The following LDHC variants were observed in gnomAD, a reference collection of about 807,000 sequenced individuals.
LDHC encodes the protein lactate dehydrogenase C.
In LDHC, 20 loss-of-function variants were observed where a neutral mutation model predicts 30.2. The observed-to-expected ratio is 0.66, with a 90% CI of 0.47 to 0.96. The LOEUF is 0.96. LDHC is among the 40% of genes least tolerant of loss of function. The pLI is 0.00. For synonymous variants in LDHC, 139 were observed against 132.7 expected, an observed-to-expected ratio of 1.05 and a Z score of -0.32; for missense variants, 362 against 394.9, an observed-to-expected ratio of 0.92 and a Z score of 0.71.
chr11:18,437,644 C>T (rs1425683173), intron 5 of LDHC, among the ~76,000 whole-genome samples: 8 of 151,234 alleles, frequency 5.3e-5, no homozygotes, highest in Non-Finnish European at 1.5e-5. Context: ...CCCAGTGACT[C>T]GGGAGGCTGA....
At chr11:18,447,598 T>G (rs955453503) in intron 7 of LDHC, among the ~76,000 whole-genome samples, 1 of 152,106 alleles carries the variant, frequency 6.6e-6, no homozygotes, top group East Asian at 1.9e-4. Flanking sequence ...TGGCAGAAAT[T>G]GAGATAGACA....
chr11:18,430,476 C>T lies in LDHC; in HGVS notation c.418+566C>T, dbSNP rs138129609. Among the ~76,000 whole-genome samples, 631 of 152,222 alleles carry T rather than the reference C, an allele frequency of 4.1e-3. 2 individuals are homozygous for T. The highest frequency in any genetic ancestry group is 0.017 in the Middle Eastern group (5 of 294). ...CCTCAGGCTCAATTGATCCTCCCAC[C>T]TCAGGCTCCCCAGTAGCTGGGACCA... On this transcript the variant is annotated intron_variant, in intron 4 of 7. Coordinates refer to ENST00000541669, the MANE Select transcript of LDHC (RefSeq NM_017448.5).
Position 18,452,061 on chromosome 11 carries a change from A to G in LDHC, c.*934A>G, listed in dbSNP as rs2133852097. On this transcript the variant is annotated 3_prime_UTR_variant, in exon 8 of 8. Coordinates refer to ENST00000541669, the MANE Select transcript of LDHC (RefSeq NM_017448.5). The stretch of plus-strand genomic sequence containing the variant: ...AGTATTATACTAGTCATATAAACTC[A>G]AATAGTTGATTTGGTGTCTCAATTG... 6.6e-6 allele frequency: 1 copy of G among 152,334 alleles called. No individual in the cohort carries two copies. The highest frequency in any genetic ancestry group is 3.4e-3 in the Middle Eastern group (1 of 294). 9.4% of individuals were successfully genotyped at this position (152,334 alleles called of 1,614,324 possible).
At chr11:18,432,724 T>C (rs1198451028) in intron 4 of LDHC, among the ~76,000 whole-genome samples, 3 of 152,248 alleles carry the variant, frequency 2.0e-5, no homozygotes, top group Non-Finnish European at 2.9e-5. Flanking sequence ...TGTCCCTCTT[T>C]GTCTCTTTTA....
At chr11:18,441,132 A>G (rs1848457447) in intron 6 of LDHC, among the ~76,000 whole-genome samples, 1 of 151,814 alleles carries the variant, frequency 6.6e-6, no homozygotes. Context: ...CTCTTAAAAA[A>G]AAAACAAAAA....
At chr11:18,424,902 G>A (rs1352788345) in intron 3 of LDHC, among the ~76,000 whole-genome samples, 1 of 152,154 alleles carries the variant, frequency 6.6e-6, no homozygotes, top group Non-Finnish European at 1.5e-5. Context: ...CAGCTACTCG[G>A]GAGGCTGAGG....
intron 6 of LDHC, among the ~76,000 whole-genome samples, chr11:18,441,267 C>T (rs1848459860): frequency 6.6e-6 from 1 of 151,924 alleles, no homozygotes; most frequent in African/African-American, 2.4e-5. Flanking sequence ...GAAAGGATAC[C>T]AGGAAGAAAA....
intron 6 of LDHC, 93 bp from the exon 7 acceptor site, chr11:18,446,117 G>A: frequency 9.7e-7 from 1 of 1,033,870 alleles, no homozygotes; most frequent in Non-Finnish European, 1.5e-6. Flanking sequence ...GCATTGACAT[G>A]TAGATAACTT....
At chr11:18,443,975 GTGC>G (rs1278604054) in intron 6 of LDHC, among the ~76,000 whole-genome samples, 2 of 152,048 alleles carry the variant, frequency 1.3e-5, no homozygotes, top group African/African-American at 4.8e-5. Flanking sequence ...AATCCTCAGG[GTGC>G]TGCTAATATT....
intron 3 of LDHC, among the ~76,000 whole-genome samples, chr11:18,424,060 C>A (rs1415349993): frequency 6.6e-6 from 1 of 152,088 alleles, no homozygotes; most frequent in Admixed American, 6.6e-5. Context: ...CTCTCACACA[C>A]AGCATATAGG....
Position 18,450,948 on chromosome 11 carries a change from T to C in LDHC, c.835-15T>C. 6.4e-7 allele frequency: 1 copy of C among 1,562,076 alleles called. No homozygotes were observed. The highest frequency in any genetic ancestry group is 2.3e-5 in the East Asian group (1 of 43,214). On this transcript the variant is annotated splice_polypyrimidine_tract_variant and intron_variant, in intron 7 of 7. Coordinates refer to ENST00000541669, the MANE Select transcript of LDHC (RefSeq NM_017448.5). ...ATATCAGGTTATTTGAACAATATCT[T>C]ATCTTGCCTTTCAGGGATTATATGG... is the stretch of plus-strand genomic sequence containing the variant.
chr11:18,436,481 G>GTTTTTTTTTTTTTTTTTTTTTTTTTTT (rs35976847), intron 5 of LDHC, among the ~76,000 whole-genome samples: 1 of 108,186 alleles, frequency 9.2e-6, no homozygotes, highest in African/African-American at 3.6e-5. Flanking sequence ...ATAATACAAA[G>GTTTTTTTTTTTTTTTTTTTTTTTTTTT]TTTTTTTTTT....
At chr11:18,423,705 T>C (rs1848107837) in intron 3 of LDHC, among the ~76,000 whole-genome samples, 1 of 151,976 alleles carries the variant, frequency 6.6e-6, no homozygotes, top group Non-Finnish European at 1.5e-5. Flanking sequence ...CAATAAAGAA[T>C]ACAAAGTTAA....
rs187969196 is a variant in LDHC at position 18,414,598 on chromosome 11, T to G, written c.127-586T>G. Among the ~76,000 whole-genome samples, 4 of 152,126 alleles carry G rather than the reference T, an allele frequency of 2.6e-5. No individual in the cohort carries two copies. The East Asian group carries it at 7.7e-4, about 29-fold the overall frequency. ...ATCCCAGGACTTTGCGAGGCTGAGG[T>G]GGGTAGATCACTTGAGGTTAGGAGT... is the stretch of plus-strand genomic sequence containing the variant. On this transcript the variant is annotated intron_variant, in intron 2 of 7. Coordinates refer to ENST00000541669, the MANE Select transcript of LDHC (RefSeq NM_017448.5).
chr11:18,439,298 C>T (rs1029710381), intron 6 of LDHC, among the ~76,000 whole-genome samples: 1 of 152,172 alleles, frequency 6.6e-6, no homozygotes, highest in Non-Finnish European at 1.5e-5. Flanking sequence ...CGGGGTGGCT[C>T]ACGCCTGTAA....
chr11:18,440,356 A>G (rs1025711613), intron 6 of LDHC, among the ~76,000 whole-genome samples: 7 of 152,082 alleles, frequency 4.6e-5, no homozygotes, highest in African/African-American at 1.7e-4. Flanking sequence ...ATAATAAAAC[A>G]AAAATGTGTA....
rs546705792 is a variant in LDHC, at chr11:18,436,270, T to A, written c.592+1357T>A. On this transcript the variant is annotated intron_variant, in intron 5 of 7. Transcript: ENST00000541669. ...TTTTTAGAAAACAGTATATTCTGAT[T>A]AGTATTAATTTGAACATGTTTAGTA... Among the ~76,000 whole-genome samples, 3 of 152,186 alleles carry A rather than the reference T, an allele frequency of 2.0e-5. No individual in the cohort carries two copies. The East Asian group carries it at 5.8e-4, about 29-fold the overall frequency.
At chr11:18,416,142 A>T (rs963086471) in intron 3 of LDHC, among the ~76,000 whole-genome samples, 1 of 152,212 alleles carries the variant, frequency 6.6e-6, no homozygotes, top group Non-Finnish European at 1.5e-5. Flanking sequence ...TTTTCTTTAC[A>T]TAACTGATGT....
At chr11:18,425,675 C>G (rs982137057) in intron 3 of LDHC, among the ~76,000 whole-genome samples, 6 of 151,912 alleles carry the variant, frequency 3.9e-5, no homozygotes, top group Non-Finnish European at 8.8e-5. Flanking sequence ...CGTGGTGGCT[C>G]ACGCCTGTAA....
Sources: gnomAD v4.1 joint callset for allele counts (sites outside exome capture counted in the v4.1 genomes callset) on GRCh38, gnomAD v4.1.1 for gene constraint, MANE v1.5 for transcripts, NCBI Gene and HGNC (gene_info 2026-07-23, HGNC 2026-07-21) for gene names.